NALCN: variants seen among roughly 807,000 people sequenced by gnomAD.
NALCN encodes the protein sodium leak channel NALCN.
A neutral mutation model predicts 225.3 loss-of-function variants in NALCN; 111 were observed. The ratio of observed to expected loss-of-function variants is 0.49; its 90% confidence interval spans 0.42 to 0.58. NALCN has a LOEUF of 0.58. NALCN is among the 20% of genes least tolerant of loss of function. The pLI, the probability that NALCN is intolerant of heterozygous loss-of-function variation, is 0.00. For missense variants in NALCN, 1,378 were observed against 2,202.4 expected (o/e 0.63, Z 7.49); for synonymous variants, 764 against 769.0 (o/e 0.99, Z 0.11).
intron 13 of NALCN, among the ~76,000 whole-genome samples, chr13:101,206,643 C>G (rs980644253): frequency 1.3e-5 from 2 of 150,994 alleles, no homozygotes; most frequent in Non-Finnish European, 3.0e-5. Flanking sequence ...CCACCTGTTT[C>G]CATTTTTGAA....
intron 10 of NALCN, among the ~76,000 whole-genome samples, chr13:101,271,482 T>TA (rs1326065331): frequency 6.6e-6 from 1 of 152,174 alleles, no homozygotes; most frequent in Admixed American, 6.5e-5. Flanking sequence ...TTTCCTGGTT[T>TA]TAATATTTAT....
Position 101,408,543 on chromosome 13 carries a change from C to A in NALCN, c.-40+7770G>T, listed in dbSNP as rs527977261. ...ACAGCGGCAATGCGTGTCTCCACAA[C>A]AGAACAGCGGCCCACTCCCCTGCCC... On this transcript the variant is annotated intron_variant, in intron 1 of 43. Coordinates refer to ENST00000251127, the MANE Select transcript of NALCN (RefSeq NM_052867.4). 4.5e-4 allele frequency among the ~76,000 whole-genome samples: 68 copies of A among 152,342 alleles called. 1 individual carries two copies. The highest frequency in any genetic ancestry group is 1.5e-3 in the African/African-American group (63 of 41,586).
intron 14 of NALCN, among the ~76,000 whole-genome samples, chr13:101,190,752 T>C (rs2039647687): frequency 6.6e-6 from 1 of 152,238 alleles, no homozygotes; most frequent in African/African-American, 2.4e-5. Flanking sequence ...ATTTCATTCA[T>C]AGATATTTAG....
At chr13:101,113,251 G>T (rs2035539826) in intron 18 of NALCN, among the ~76,000 whole-genome samples, 1 of 152,218 alleles carries the variant, frequency 6.6e-6, no homozygotes, top group African/African-American at 2.4e-5. Context: ...AAGGACCGCA[G>T]ATGGAAGTTA....
At chr13:101,408,093 T>A (rs1036394182) in intron 1 of NALCN, among the ~76,000 whole-genome samples, 1 of 152,178 alleles carries the variant, frequency 6.6e-6, no homozygotes, top group African/African-American at 2.4e-5. Flanking sequence ...GGGAGCCAGG[T>A]CTTTCTGATT....
chr13:101,326,254 T>C (rs1436480611), intron 7 of NALCN, among the ~76,000 whole-genome samples: 1 of 152,242 alleles, frequency 6.6e-6, no homozygotes, highest in African/African-American at 2.4e-5. Context: ...TCAGGTTCTG[T>C]GTTTGTACTT....
intron 7 of NALCN, among the ~76,000 whole-genome samples, chr13:101,313,104 G>C (rs1164666228): frequency 6.6e-6 from 1 of 152,132 alleles, no homozygotes; most frequent in East Asian, 1.9e-4. Flanking sequence ...TTTAATAAAT[G>C]GTGCTGGGAA....
At chr13:101,060,639 T>C (rs138880188) in intron 41 of NALCN, among the ~76,000 whole-genome samples, 1 of 152,210 alleles carries the variant, frequency 6.6e-6, no homozygotes. Flanking sequence ...TTTTCTCCTC[T>C]TATTTTATTC....
Position 101,089,745 on chromosome 13 carries a change from A to G in NALCN, c.3407T>C (p.Ile1136Thr). 6.2e-7 allele frequency: 1 copy of G among 1,614,106 alleles called. No homozygotes were observed. The highest frequency in any genetic ancestry group is 1.1e-5 in the South Asian group (1 of 91,084). ...GCAACCCAGGAATACAAAAACATGA[A>G]TATAGATTCCATGGATCTGCATAAA... ...HRVGPIHGIY[I>T]HVFVFLGCMI... is the part of the protein sequence containing the mutation. The change falls in exon 30 of 44, where the codon ATT becomes ACT. Residue 1136 changes from isoleucine (I) to threonine (T), a missense_variant. By Grantham distance (89) the Ile-to-Thr change is moderately conservative. Around this residue, in one of 19 missense-constraint regions of NALCN, gnomAD observed 292 missense variants for 409.5 expected, o/e 0.71. Transcript: ENST00000251127. The surrounding 1 kb of genome is among the most constrained non-coding windows in gnomAD (Gnocchi z 4.7).
At position 101,372,536 on chromosome 13, in the gene NALCN, A is replaced by G. The variant is rs2046569207; in HGVS notation, c.644+4164T>C. Among the ~76,000 whole-genome samples, 3 of 152,144 alleles carry G rather than the reference A, an allele frequency of 2.0e-5. No homozygotes were observed. The South Asian group carries it at 6.2e-4, about 31-fold the overall frequency. On this transcript the variant is annotated intron_variant, in intron 6 of 43. Transcript: ENST00000251127. Reference sequence around the variant, plus strand: ...ACAACAGAATAAAATTATGCACCCAAATAACATTTTTAGAAAATCTCATCC... The same window carrying G: ...ACAACAGAATAAAATTATGCACCCAGATAACATTTTTAGAAAATCTCATCC...
At chr13:101,403,766 C>T (rs1457186057) in intron 1 of NALCN, among the ~76,000 whole-genome samples, 1 of 152,146 alleles carries the variant, frequency 6.6e-6, no homozygotes, top group Non-Finnish European at 1.5e-5. Context: ...TGTTTATCAA[C>T]CGCCCTATTG....
intron 28 of NALCN, among the ~76,000 whole-genome samples, chr13:101,092,884 T>G: frequency 6.6e-6 from 1 of 152,190 alleles, no homozygotes; most frequent in East Asian, 1.9e-4. Context: ...GGGGCTTCTC[T>G]GTGCAGCATT....
intron 13 of NALCN, among the ~76,000 whole-genome samples, chr13:101,203,748 C>T (rs1168488261): frequency 1.3e-5 from 2 of 152,132 alleles, no homozygotes; most frequent in Admixed American, 1.3e-4. Flanking sequence ...AATCTATTAA[C>T]TGTTAATGAC....
intron 27 of NALCN, among the ~76,000 whole-genome samples, chr13:101,097,714 C>G (rs2034589640): frequency 6.6e-6 from 1 of 152,146 alleles, no homozygotes; most frequent in African/African-American, 2.4e-5. Context: ...TGTCTGATTC[C>G]TCTTCTTACC....
chr13:101,162,211 T>G (rs1306242612), intron 15 of NALCN, among the ~76,000 whole-genome samples: 1 of 152,174 alleles, frequency 6.6e-6, no homozygotes, highest in Non-Finnish European at 1.5e-5. Flanking sequence ...ATCTCAATCT[T>G]TACACAGTTA....
chr13:101,405,313 T>C (rs1446332994), intron 1 of NALCN, among the ~76,000 whole-genome samples: 2 of 152,214 alleles, frequency 1.3e-5, no homozygotes, highest in African/African-American at 2.4e-5. Flanking sequence ...CAAATGAATG[T>C]AGCATCATAC....
At chr13:101,103,991 G>C (rs143639854) in intron 25 of NALCN, among the ~76,000 whole-genome samples, 1 of 151,998 alleles carries the variant, frequency 6.6e-6, no homozygotes, top group African/African-American at 2.4e-5. Flanking sequence ...AAGCCATAAG[G>C]TTTGTGGGAT....
intron 7 of NALCN, among the ~76,000 whole-genome samples, chr13:101,332,179 G>GGAGAA (rs1354550105): frequency 6.6e-6 from 1 of 152,004 alleles, no homozygotes; most frequent in African/African-American, 2.4e-5. Context: ...TAGAGAGAAT[G>GGAGAA]GAGAAGAGAG....
intron 6 of NALCN, among the ~76,000 whole-genome samples, chr13:101,361,270 G>A (rs2046243827): frequency 1.3e-5 from 2 of 152,236 alleles, no homozygotes; most frequent in African/African-American, 4.8e-5. Flanking sequence ...AGTAAATATC[G>A]ATTCTGTGGA....
Sources: gnomAD v4.1 joint callset for allele counts (sites outside exome capture counted in the v4.1 genomes callset) on GRCh38, gnomAD v4.1.1 for gene constraint, gnomAD v4.1.1 regional missense constraint, Gnocchi (gnomAD v3.1) non-coding constraint, MANE v1.5 for transcripts, NCBI Gene and HGNC (gene_info 2026-07-23, HGNC 2026-07-21) for gene names.